Variants in PAK5 observed in about 807,000 individuals in gnomAD.
The protein encoded by PAK5 is p21 (RAC1) activated kinase 5, also known as serine/threonine-protein kinase PAK 5.
Under a neutral mutation model 65.9 loss-of-function variants are expected in PAK5, and 16 were observed. The ratio of observed to expected loss-of-function variants is 0.24; its 90% CI spans 0.16 to 0.37. The LOEUF (loss-of-function observed/expected upper bound fraction) is 0.37. PAK5 is among the 10% of genes least tolerant of loss of function. The pLI is 1.00. For missense variants in PAK5, 785 were observed against 903.9 expected (o/e 0.87, Z 1.69); for synonymous variants, 371 against 354.9 (o/e 1.05, Z -0.51).
At chr20:9,715,896 AGGGGTTG>A (rs1490047846) in intron 1 of PAK5, among the ~76,000 whole-genome samples, 2 of 51,428 alleles carry the variant, frequency 3.9e-5, no homozygotes, top group Non-Finnish European at 7.4e-5. Context: ...GGGCCTGTTG[AGGGGTTG>A]GGGGAGGGGG....
intron 3 of PAK5, among the ~76,000 whole-genome samples, chr20:9,618,561 C>T (rs1425565401): frequency 1.3e-5 from 2 of 150,704 alleles, no homozygotes; most frequent in Non-Finnish European, 2.9e-5. Flanking sequence ...CATGTGCCAC[C>T]AGGCCCAGCT....
rs6056707 is a variant in PAK5, at chr20:9,564,638, T to C, written c.1482+1255A>G. On this transcript the variant is annotated intron_variant, in intron 5 of 9. Transcript: ENST00000353224. ...TTCTAGAAATTAACACTGTATATCA[T>C]TTATCTAAAAAAAGTACATATCATT... is the stretch of plus-strand genomic sequence containing the variant. Among the ~76,000 whole-genome samples the C allele has an allele frequency of 1.6e-3, 243 of 152,278 alleles. 1 individual carries two copies. The highest frequency in any genetic ancestry group is 0.01 in the Middle Eastern group (3 of 294).
intron 3 of PAK5, among the ~76,000 whole-genome samples, chr20:9,599,830 C>G (rs6056738): frequency 6.6e-5 from 10 of 152,170 alleles, no homozygotes; most frequent in African/African-American, 2.4e-4. Context: ...CAGTGTAATT[C>G]AGTGCAAAAA....
chr20:9,604,727 A>C (rs992975771), intron 3 of PAK5, among the ~76,000 whole-genome samples: 2 of 151,826 alleles, frequency 1.3e-5, no homozygotes, highest in African/African-American at 4.8e-5. Context: ...CCAAAATGAC[A>C]CCTCTTTCTC....
At chr20:9,582,634 G>A (rs2045998835) in intron 3 of PAK5, among the ~76,000 whole-genome samples, 2 of 152,138 alleles carry the variant, frequency 1.3e-5, no homozygotes, top group South Asian at 4.1e-4. Flanking sequence ...GTCAGTAAGT[G>A]TAGCGTCTAC....
intron 1 of PAK5, among the ~76,000 whole-genome samples, chr20:9,825,948 C>A (rs1014279471): frequency 6.6e-6 from 1 of 152,158 alleles, no homozygotes; most frequent in Non-Finnish European, 1.5e-5. Context: ...AAAGGTTATA[C>A]ATTCAAGACT....
At chr20:9,637,158 G>A (rs2046992496) in intron 3 of PAK5, among the ~76,000 whole-genome samples, 1 of 152,056 alleles carries the variant, frequency 6.6e-6, no homozygotes, top group Non-Finnish European at 1.5e-5. Context: ...ACACCAGCAT[G>A]CCTGGCTAAT....
chr20:9,656,818 T>G (rs1026035783), intron 2 of PAK5, among the ~76,000 whole-genome samples: 8 of 152,142 alleles, frequency 5.3e-5, no homozygotes, highest in African/African-American at 1.9e-4. Flanking sequence ...ATTATTATTG[T>G]AAAGGAAAGA....
intron 1 of PAK5, among the ~76,000 whole-genome samples, chr20:9,825,419 T>C (rs1796315779): frequency 6.6e-6 from 1 of 152,190 alleles, no homozygotes; most frequent in Non-Finnish European, 1.5e-5. Flanking sequence ...ATGCATATCA[T>C]TTATAAGGTT....
At chr20:9,620,818 GT>G (rs2046754190) in intron 3 of PAK5, among the ~76,000 whole-genome samples, 1 of 152,074 alleles carries the variant, frequency 6.6e-6, no homozygotes, top group South Asian at 2.1e-4. Context: ...GACGCCATCA[GT>G]CCCCAGGTGT....
intron 4 of PAK5, among the ~76,000 whole-genome samples, chr20:9,569,553 G>A (rs764871354): frequency 2.0e-5 from 3 of 152,202 alleles, no homozygotes; most frequent in African/African-American, 7.2e-5. Context: ...AGGGAGGAAA[G>A]TATTTCAAGA....
At chr20:9,644,064 G>C in intron 3 of PAK5, 61 bp downstream of exon 3, 1 of 1,222,060 alleles carries the variant, frequency 8.2e-7, no homozygotes, top group Non-Finnish European at 1.2e-6. Flanking sequence ...TAAAGCTGAT[G>C]CAGTGCATTA....
chr20:9,566,177 A>G lies in PAK5; in HGVS notation c.1198T>C (p.Tyr400His), dbSNP rs141178733. ...SSSQYISTASYLSSLSLSSST... is the reference protein window; with the variant it reads ...SSSQYISTASHLSSLSLSSST... Reference sequence around the variant, plus strand: ...GATGAGAGGCTGAGGGAGCTCAGGTAGGAAGCCGTGGAGATGTACTGCGAA... The same window carrying G: ...GATGAGAGGCTGAGGGAGCTCAGGTGGGAAGCCGTGGAGATGTACTGCGAA... Residue 400 changes from tyrosine to histidine, a missense_variant, in exon 5 of 10, where the codon TAC (tyrosine) becomes CAC (histidine). This residue lies in a region of PAK5 where 422 missense variants were observed against 413.3 expected (regional missense o/e 1.02). Transcript: ENST00000353224. 7 of 1,613,808 alleles carry G rather than the reference A, an allele frequency of 4.3e-6. No individual in the cohort carries two copies. The African/African-American group carries it at 8.0e-5, about 18-fold the overall frequency.
At chr20:9,640,894 C>T (rs942244074) in intron 3 of PAK5, among the ~76,000 whole-genome samples, 2 of 152,090 alleles carry the variant, frequency 1.3e-5, no homozygotes, top group African/African-American at 2.4e-5. Flanking sequence ...GCAGTGTGGC[C>T]CCGAAGAGTG....
intron 1 of PAK5, among the ~76,000 whole-genome samples, chr20:9,829,472 T>TA (rs1274192110): frequency 6.6e-6 from 1 of 152,238 alleles, no homozygotes; most frequent in Non-Finnish European, 1.5e-5. Context: ...ATGGTGTTCT[T>TA]ATGAAGACTA....
intron 2 of PAK5, among the ~76,000 whole-genome samples, chr20:9,669,504 T>C (rs1283489638): frequency 6.6e-6 from 1 of 152,162 alleles, no homozygotes; most frequent in Admixed American, 6.6e-5. Context: ...AATTTCTTTT[T>C]GGATTAAAAT....
In PAK5 at chr20:9,545,059, G is replaced by A. The variant is rs371454868; in HGVS notation, c.1744-565C>T. On this transcript the variant is annotated intron_variant, in intron 7 of 9. Coordinates refer to ENST00000353224, the MANE Select transcript of PAK5 (RefSeq NM_177990.4). ...AGTACTGGATACCCTTCCCTTTTTGGTTTGCTCCTTTGTCCATGACAGTTG... is the reference window on the plus strand; with the variant it reads ...AGTACTGGATACCCTTCCCTTTTTGATTTGCTCCTTTGTCCATGACAGTTG... Among the ~76,000 whole-genome samples, 5 of 151,924 alleles carry A rather than the reference G, an allele frequency of 3.3e-5. No homozygotes were observed. In the East Asian group the frequency reaches 5.8e-4, roughly 18 times the overall value.
chr20:9,636,173 A>T (rs991903319), intron 3 of PAK5, among the ~76,000 whole-genome samples: 2 of 152,208 alleles, frequency 1.3e-5, no homozygotes, highest in Non-Finnish European at 2.9e-5. Flanking sequence ...ATTTTTAAAA[A>T]TATTAAAGGA....
intron 3 of PAK5, among the ~76,000 whole-genome samples, chr20:9,636,786 A>G (rs2123245432): frequency 6.6e-6 from 1 of 152,316 alleles, no homozygotes; most frequent in Admixed American, 6.5e-5. Flanking sequence ...TAGAAAAGAC[A>G]AAAGTCTCTA....
Sources: allele counts gnomAD v4.1 joint callset (sites outside exome capture counted in the v4.1 genomes callset), GRCh38; gene constraint gnomAD v4.1.1; regional missense constraint gnomAD v4.1.1; transcripts MANE v1.5; gene names NCBI Gene and HGNC (gene_info 2026-07-23, HGNC 2026-07-21).